PARD3B: variants seen among roughly 807,000 people sequenced by gnomAD.
The protein encoded by PARD3B is par-3 family cell polarity regulator beta.
Under a neutral mutation model 130.2 loss-of-function variants are expected in PARD3B, and 103 were observed. That is an observed-to-expected ratio of 0.79 (90% CI 0.67 to 0.93). PARD3B has a LOEUF of 0.93. PARD3B is among the 40% of genes least tolerant of loss of function. The pLI is 0.00. For missense variants in PARD3B, 1,609 were observed against 1,499.2 expected (o/e 1.07, Z -1.21); for synonymous variants, 583 against 553.2 (o/e 1.05, Z -0.76).
At position 204,574,059 on chromosome 2, in the gene PARD3B, T is replaced by G. The variant is rs553951004; in HGVS notation, c.120+27940T>G. Among the ~76,000 whole-genome samples the G allele has an allele frequency of 2.0e-5, 3 of 152,316 alleles. No homozygotes were observed. The South Asian group carries it at 6.2e-4, about 32-fold the overall frequency. Reference sequence around the variant, plus strand: ...CAGAGCATCTTCCTATTTGTGGCCTTTCTTCTGGGCTTTTCCCTCGGTGGG... The same window carrying G: ...CAGAGCATCTTCCTATTTGTGGCCTGTCTTCTGGGCTTTTCCCTCGGTGGG... On this transcript the variant is annotated intron_variant, in intron 1 of 22. Coordinates refer to ENST00000406610, the MANE Select transcript of PARD3B (RefSeq NM_001302769.2).
Position 204,686,262 on chromosome 2 carries a change from G to T in PARD3B, c.202G>T (p.Val68Phe), listed in dbSNP as rs983281843. The T allele has an allele frequency of 6.2e-7, 1 of 1,610,156 alleles. No individual in the cohort carries two copies. The highest frequency in any genetic ancestry group is 8.5e-7 in the Non-Finnish European group (1 of 1,176,680). Residue 68 changes from valine (V) to phenylalanine (F), a missense_variant, in exon 2 of 23, where the codon GTT becomes TTT. By Grantham distance (50) the Val-to-Phe change is conservative. Coordinates refer to ENST00000406610, the MANE Select transcript of PARD3B (RefSeq NM_001302769.2). ...ILDPDDVLAD[V>F]VEDKDKLIAV... ...GGATCCAGATGATGTCTTGGCAGAT[G>T]TTGTTGAAGATAAAGACAAGGTAGA...
chr2:204,926,967 A>G (rs530928523), intron 2 of PARD3B, among the ~76,000 whole-genome samples: 1 of 152,244 alleles, frequency 6.6e-6, no homozygotes, highest in African/African-American at 2.4e-5. Context: ...TATCACTGGA[A>G]GAGGAGCAAG....
chr2:204,915,889 A>T (rs1210754829), intron 2 of PARD3B, among the ~76,000 whole-genome samples: 1 of 152,178 alleles, frequency 6.6e-6, no homozygotes, highest in Non-Finnish European at 1.5e-5. Context: ...TCAAATATGG[A>T]ATAATTAAAA....
At chr2:204,994,600 T>C (rs1433214236) in intron 3 of PARD3B, among the ~76,000 whole-genome samples, 1 of 151,490 alleles carries the variant, frequency 6.6e-6, no homozygotes, top group Non-Finnish European at 1.5e-5. Flanking sequence ...TTAGGTCCGC[T>C]TGGTGCAGAG....
intron 16 of PARD3B, among the ~76,000 whole-genome samples, chr2:205,256,921 A>G (rs1018316088): frequency 5.3e-5 from 8 of 151,386 alleles, no homozygotes; most frequent in African/African-American, 1.7e-4. Context: ...TTGCTGGAAA[A>G]GAAAAAAGCC....
intron 22 of PARD3B, among the ~76,000 whole-genome samples, chr2:205,607,064 G>A (rs995601190): frequency 9.9e-5 from 15 of 152,176 alleles, no homozygotes; most frequent in East Asian, 3.9e-4. Flanking sequence ...AAACGGAACC[G>A]CACAAATATC....
chr2:204,617,820 A>T (rs1428939156), intron 1 of PARD3B, among the ~76,000 whole-genome samples: 1 of 152,116 alleles, frequency 6.6e-6, no homozygotes, highest in African/African-American at 2.4e-5. Flanking sequence ...TCCTGTGTTA[A>T]GTTGCTTAGG....
At chr2:204,810,942 T>TTTG (rs763180734) in intron 2 of PARD3B, among the ~76,000 whole-genome samples, 2 of 152,098 alleles carry the variant, frequency 1.3e-5, no homozygotes, top group African/African-American at 4.8e-5. Context: ...CCTGGGCTTT[T>TTTG]TTGTTGTTGT....
At chr2:205,067,334 A>G (rs1008617019) in intron 4 of PARD3B, among the ~76,000 whole-genome samples, 3 of 151,652 alleles carry the variant, frequency 2.0e-5, no homozygotes, top group Non-Finnish European at 2.9e-5. Context: ...CTAATTAAAA[A>G]AATTTTTTTG....
At chr2:205,319,326 A>C (rs1252722849) in intron 18 of PARD3B, among the ~76,000 whole-genome samples, 2 of 152,172 alleles carry the variant, frequency 1.3e-5, no homozygotes, top group African/African-American at 2.4e-5. Flanking sequence ...TCTGAAGTCC[A>C]TGTTCTTAGA....
intron 4 of PARD3B, among the ~76,000 whole-genome samples, chr2:205,084,856 CCTTAT>C (rs1410762876): frequency 1.3e-5 from 2 of 151,850 alleles, no homozygotes; most frequent in African/African-American, 4.8e-5. Context: ...ATGTTCCTTT[CCTTAT>C]AAGAATAAAT....
intron 21 of PARD3B, among the ~76,000 whole-genome samples, chr2:205,537,219 C>T (rs1461812004): frequency 1.3e-5 from 2 of 152,086 alleles, no homozygotes; most frequent in Non-Finnish European, 2.9e-5. Flanking sequence ...GCTCAACATT[C>T]ATGCTATACT....
At chr2:205,173,649 C>T (rs2035302125) in intron 12 of PARD3B, among the ~76,000 whole-genome samples, 1 of 152,082 alleles carries the variant, frequency 6.6e-6, no homozygotes, top group South Asian at 2.1e-4. Flanking sequence ...TTTATATAAG[C>T]TCGCAGATGT....
In PARD3B at chr2:204,803,157, AAAAAAAAT is replaced by A. The variant is rs1270636896; in HGVS notation, c.222+116877_222+116884del. ...AAAGTGCTGAAGGAAAAAAAAAAAA[AAAAAAAAT>A]ATATATATATATATATAATCCTAGA... On this transcript the variant is annotated intron_variant, in intron 2 of 22. Coordinates refer to ENST00000406610, the MANE Select transcript of PARD3B (RefSeq NM_001302769.2). 8.4e-3 allele frequency among the ~76,000 whole-genome samples: 1,153 copies of A among 137,196 alleles called. 18 individuals are homozygous for A. Among genetic ancestry groups the A allele is most frequent in the African/African-American group, 0.03 (1,106 of 36,406 alleles). The allele number at this position is 137,196 out of a possible 152,430, so 90.0% of individuals were successfully genotyped here.
At chr2:204,633,251 T>C (rs1464180488) in intron 1 of PARD3B, among the ~76,000 whole-genome samples, 5 of 152,136 alleles carry the variant, frequency 3.3e-5, no homozygotes, top group African/African-American at 1.2e-4. Context: ...GGAAAACATA[T>C]CTATGTACCC....
intron 1 of PARD3B, among the ~76,000 whole-genome samples, chr2:204,646,639 G>C (rs1475183118): frequency 6.6e-6 from 1 of 152,004 alleles, no homozygotes; most frequent in Non-Finnish European, 1.5e-5. Flanking sequence ...ATTTATAGAT[G>C]AGTGGATCAT....
At chr2:205,126,752 C>CAAAAAAAAAAAAAAAAA (rs4045004) in intron 10 of PARD3B, among the ~76,000 whole-genome samples, 16 of 74,456 alleles carry the variant, frequency 2.1e-4, no homozygotes, top group Non-Finnish European at 2.5e-4. Flanking sequence ...GACTCCGTCT[C>CAAAAAAAAAAAAAAAAA]AAAAAAAAAA....
rs2054435255 is a variant in PARD3B, at chr2:205,592,825, C to T, written c.3261-22631C>T. On this transcript the variant is annotated intron_variant, in intron 22 of 22. Transcript: ENST00000406610. The surrounding 1 kb of genome is among the most constrained non-coding windows in gnomAD (Gnocchi z 4.5). ...TTTCTCTTGGCCTCTGAGCTACTTGCCCAAACCGAACTCTGTCTTCAAGGT... is the reference window on the plus strand; with the variant it reads ...TTTCTCTTGGCCTCTGAGCTACTTGTCCAAACCGAACTCTGTCTTCAAGGT... Among the ~76,000 whole-genome samples, 1 of 152,212 alleles carries T rather than the reference C, an allele frequency of 6.6e-6. No individual in the cohort carries two copies. The highest frequency in any genetic ancestry group is 6.5e-5 in the Admixed American group (1 of 15,280).
At chr2:204,600,574 A>G (rs1471616531) in intron 1 of PARD3B, among the ~76,000 whole-genome samples, 2 of 152,012 alleles carry the variant, frequency 1.3e-5, no homozygotes, top group South Asian at 2.1e-4. Flanking sequence ...GCTTTGTAGT[A>G]TATTTTGAAG....
Sources: gnomAD v4.1 joint callset for allele counts (sites outside exome capture counted in the v4.1 genomes callset) on GRCh38, gnomAD v4.1.1 for gene constraint, Gnocchi (gnomAD v3.1) non-coding constraint, MANE v1.5 for transcripts, NCBI Gene and HGNC (gene_info 2026-07-23, HGNC 2026-07-21) for gene names.